The following PHF13 variants were observed in gnomAD, a reference collection of about 807,000 sequenced individuals.
PHF13 encodes the protein PHD zinc finger protein PHF5.
PHF13 carries 1 observed loss-of-function variant against 25.8 expected under a neutral mutation model. The ratio of observed to expected loss-of-function variants is 0.04; its 90% confidence interval spans 0.01 to 0.18. PHF13 has a LOEUF of 0.18. PHF13 is among the 10% of genes least tolerant of loss of function. PHF13 has a pLI of 1.00. For synonymous variants in PHF13, 195 were observed against 162.4 expected (o/e 1.20, Z -1.53); for missense variants, 306 against 403.2 (o/e 0.76, Z 2.06).
chr1:6,620,031 C>G lies in PHF13; in HGVS notation c.370C>G (p.Arg124Gly). The G allele has an allele frequency of 6.2e-7, 1 of 1,613,664 alleles. No homozygotes were observed. Among genetic ancestry groups the G allele is most frequent in the Non-Finnish European group, 8.5e-7 (1 of 1,179,986 alleles). ...DKLKKKKKRKRRDSDAPGKEG... is the reference protein window; with the variant it reads ...DKLKKKKKRKGRDSDAPGKEG... Reference sequence around the variant, plus strand: ...GCTGAAGAAGAAGAAGAAGAGGAAGCGCAGGGACAGTGATGCGCCTGGGAA... The same window carrying G: ...GCTGAAGAAGAAGAAGAAGAGGAAGGGCAGGGACAGTGATGCGCCTGGGAA... The change falls in exon 3 of 4, where the codon CGC becomes GGC. Residue 124 changes from arginine (R) to glycine (G), a missense_variant. This residue lies in a region of PHF13 where 186 missense variants were observed against 164.0 expected (regional missense o/e 1.13). Transcript: ENST00000377648.
rs1434719910 is a variant in PHF13 at position 6,621,985 on chromosome 1, T to A, written c.*348T>A. ...CCCGCTGATTGGGCTCAGTGCCAGC[T>A]GTTATTCTGCTTCCACTGTGTTGGG... On this transcript the variant is annotated 3_prime_UTR_variant, in exon 4 of 4. Transcript: ENST00000377648. The surrounding 1 kb of genome is among the most constrained non-coding windows in gnomAD (Gnocchi z 4.8). 1.9e-5 allele frequency: 7 copies of A among 375,166 alleles called. No individual in the cohort carries two copies. Among genetic ancestry groups the A allele is most frequent in the Non-Finnish European group, 3.6e-5 (7 of 195,676 alleles). 23.2% of individuals were successfully genotyped at this position (375,166 alleles called of 1,614,324 possible).
Position 6,621,666 on chromosome 1 carries a change from T to A in PHF13, c.*29T>A, listed in dbSNP as rs1411542415. The A allele has an allele frequency of 6.2e-7, 1 of 1,609,370 alleles. No individual in the cohort carries two copies. The highest frequency in any genetic ancestry group is 1.7e-5 in the Admixed American group (1 of 59,982). ...CTGGCTGGCGAGGAGGCTGCGAGCG[T>A]GGAATCGGAAGCGACCGCGGGCTTT... On this transcript the variant is annotated 3_prime_UTR_variant, in exon 4 of 4. Coordinates refer to ENST00000377648, the MANE Select transcript of PHF13 (RefSeq NM_153812.3). This position sits in a 1 kb window ranked among gnomAD's most constrained non-coding sequence, Gnocchi z 4.8.
chr1:6,621,390 TGA>T lies in PHF13; in HGVS notation c.677-17_677-16del. On this transcript the variant is annotated intron_variant, in intron 3 of 3. Transcript: ENST00000377648. The surrounding 1 kb of genome is among the most constrained non-coding windows in gnomAD (Gnocchi z 4.8). ...ATGATGGGAATTTCTCTTCCCTCCT[TGA>T]GAGTATCTTTCCTTCCAGATGACGA... 2 of 1,607,850 alleles carry T rather than the reference TGA, an allele frequency of 1.2e-6. No individual in the cohort carries two copies. The highest frequency in any genetic ancestry group is 1.7e-6 in the Non-Finnish European group (2 of 1,174,390).
chr1:6,621,744 C>G lies in PHF13; in HGVS notation c.*107C>G. 4 of 1,138,970 alleles carry G rather than the reference C, an allele frequency of 3.5e-6. No individual in the cohort carries two copies. The highest frequency in any genetic ancestry group is 5.1e-6 in the Non-Finnish European group (4 of 785,890). 70.6% of individuals were successfully genotyped at this position (1,138,970 alleles called of 1,614,324 possible). A position where few individuals can be genotyped will look rare whatever the true frequency, so the allele number is the denominator to read the frequency against. ...ACCCTCAGCTCTGGTGCGGGCAGAT[C>G]CCTGCCATTTAGGTGCCTAAGCAAA... On this transcript the variant is annotated 3_prime_UTR_variant, in exon 4 of 4. Transcript: ENST00000377648. This position sits in a 1 kb window ranked among gnomAD's most constrained non-coding sequence, Gnocchi z 4.8.
In PHF13 at chr1:6,614,026, C is replaced by T. The variant is rs1641211532; in HGVS notation, c.-41C>T. 5.8e-6 allele frequency: 9 copies of T among 1,547,770 alleles called. No homozygotes were observed. Among genetic ancestry groups the T allele is most frequent in the Middle Eastern group, 1.8e-4 (1 of 5,606 alleles). On this transcript the variant is annotated 5_prime_UTR_variant, in exon 1 of 4. Coordinates refer to ENST00000377648, the MANE Select transcript of PHF13 (RefSeq NM_153812.3). ...GGGCGGCCCCGCTCCAGCATCCCAGCTCCTGCACTCTCGCAGCCGCCGCCG... is the reference window on the plus strand; with the variant it reads ...GGGCGGCCCCGCTCCAGCATCCCAGTTCCTGCACTCTCGCAGCCGCCGCCG...
chr1:6,616,697 C>G, intron 1 of PHF13, 60 bp from the exon 2 acceptor site: 1 of 1,434,888 alleles, frequency 7.0e-7, no homozygotes, highest in Non-Finnish European at 9.8e-7. Flanking sequence ...CCTTTTGTTT[C>G]TGTGATTCCG....
intron 1 of PHF13, among the ~76,000 whole-genome samples, chr1:6,615,193 C>G (rs1051368016): frequency 5.2e-4 from 79 of 151,822 alleles, no homozygotes; most frequent in African/African-American, 1.8e-3. Context: ...CGCGCCGGTG[C>G]CTCCCGCGCG....
At chr1:6,620,554 T>G (rs1641323374) in intron 3 of PHF13, among the ~76,000 whole-genome samples, 1 of 152,170 alleles carries the variant, frequency 6.6e-6, no homozygotes, top group South Asian at 2.1e-4. Flanking sequence ...TTCTAAGACC[T>G]TAGAACATAA....
Position 6,620,333 on chromosome 1 carries a change from C to T in PHF13, c.672C>T (p.Asp224=), listed in dbSNP as rs746413601. ...STGNDEDIMV[D]SDDDSWDLVT... is the part of the protein sequence containing the mutation. ...GCAATGATGAGGACATCATGGTGGA[C>T]TCAGGTGAGTGGTCCCTGAAGGATG... Residue 224 remains aspartate, a synonymous_variant, in exon 3 of 4, where the codon GAC becomes GAT. Coordinates refer to ENST00000377648, the MANE Select transcript of PHF13 (RefSeq NM_153812.3). 6.2e-7 allele frequency: 1 copy of T among 1,610,352 alleles called. No individual in the cohort carries two copies. The highest frequency in any genetic ancestry group is 1.1e-5 in the South Asian group (1 of 90,676).
chr1:6,615,917 C>T (rs1268138971), intron 1 of PHF13, among the ~76,000 whole-genome samples: 1 of 151,972 alleles, frequency 6.6e-6, no homozygotes, highest in Non-Finnish European at 1.5e-5. Flanking sequence ...GTGGAGGGGA[C>T]CCTCTGAGCA....
Position 6,621,776 on chromosome 1 carries a change from G to A in PHF13, c.*139G>A, listed in dbSNP as rs75436289. On this transcript the variant is annotated 3_prime_UTR_variant, in exon 4 of 4. Coordinates refer to ENST00000377648, the MANE Select transcript of PHF13 (RefSeq NM_153812.3). The surrounding 1 kb of genome is among the most constrained non-coding windows in gnomAD (Gnocchi z 4.8). Reference sequence around the variant, plus strand: ...ATTTAGGTGCCTAAGCAAAAGGACAGGCTGTCCAAGGTAGAAACTGTACAT... The same window carrying A: ...ATTTAGGTGCCTAAGCAAAAGGACAAGCTGTCCAAGGTAGAAACTGTACAT... The A allele has an allele frequency of 2.8e-3, 2,281 of 820,896 alleles. 38 individuals carry two copies. In the African/African-American group the frequency reaches 0.034, roughly 12 times the overall value. The allele number at this position is 820,896 out of a possible 1,614,324, so 50.9% of individuals were successfully genotyped here. A position where few individuals can be genotyped will look rare whatever the true frequency, so the allele number is the denominator to read the frequency against.
chr1:6,621,021 C>G lies in PHF13; in HGVS notation c.677-390C>G, dbSNP rs1208233582. Among the ~76,000 whole-genome samples the G allele has an allele frequency of 2.9e-5, 4 of 137,056 alleles. No individual in the cohort carries two copies. In the South Asian group the frequency reaches 1.0e-3, roughly 36 times the overall value. 89.9% of individuals were successfully genotyped at this position (137,056 alleles called of 152,430 possible). Reference sequence around the variant, plus strand: ...CACTCCAGCCTGGGCGACAGCAAAACTCCGTCTCAAGAAAAAAAAAAAAAA... The same window carrying G: ...CACTCCAGCCTGGGCGACAGCAAAAGTCCGTCTCAAGAAAAAAAAAAAAAA... On this transcript the variant is annotated intron_variant, in intron 3 of 3. Coordinates refer to ENST00000377648, the MANE Select transcript of PHF13 (RefSeq NM_153812.3). The surrounding 1 kb of genome is among the most constrained non-coding windows in gnomAD (Gnocchi z 4.8).
chr1:6,620,823 G>A (rs1490647598), intron 3 of PHF13, among the ~76,000 whole-genome samples: 1 of 151,516 alleles, frequency 6.6e-6, no homozygotes, highest in Non-Finnish European at 1.5e-5. Flanking sequence ...TTCGAGACCA[G>A]CCTGACCAAC....
intron 1 of PHF13, among the ~76,000 whole-genome samples, chr1:6,615,159 G>A (rs985469188): frequency 1.3e-5 from 2 of 151,622 alleles, no homozygotes; most frequent in Non-Finnish European, 2.9e-5. Flanking sequence ...GGCCGTGTGG[G>A]GGCGGCGTGG....
rs759880000 is a variant in PHF13 at position 6,619,891 on chromosome 1, T to A, written c.230T>A (p.Ile77Asn). Residue 77 changes from isoleucine to asparagine, a missense_variant, in exon 3 of 4, where the codon ATC (isoleucine) becomes AAC (asparagine). This residue lies in a region of PHF13 where 186 missense variants were observed against 164.0 expected (regional missense o/e 1.13). Transcript: ENST00000377648. ...SDGWDAGFSDIASSVPLPVSD... is the reference protein window; with the variant it reads ...SDGWDAGFSDNASSVPLPVSD... ...GGCTGGGACGCGGGTTTCTCAGACA[T>A]CGCGTCCTCAGTGCCCTTGCCAGTC... The A allele has an allele frequency of 6.2e-7, 1 of 1,613,864 alleles. No homozygotes were observed. The highest frequency in any genetic ancestry group is 8.5e-7 in the Non-Finnish European group (1 of 1,180,014).
chr1:6,615,193 C>T (rs1051368016), intron 1 of PHF13, among the ~76,000 whole-genome samples: 1 of 151,822 alleles, frequency 6.6e-6, no homozygotes, highest in Non-Finnish European at 1.5e-5. Context: ...CGCGCCGGTG[C>T]CTCCCGCGCG....
At chr1:6,615,277 G>A (rs1426517075) in intron 1 of PHF13, among the ~76,000 whole-genome samples, 1 of 152,152 alleles carries the variant, frequency 6.6e-6, no homozygotes, top group East Asian at 1.9e-4. Context: ...GTTCCCCGCC[G>A]AAAGAAAAGT....
chr1:6,615,172 C>T (rs925966351), intron 1 of PHF13, among the ~76,000 whole-genome samples: 2 of 151,556 alleles, frequency 1.3e-5, no homozygotes, highest in African/African-American at 2.4e-5. Flanking sequence ...CGGCGTGGAA[C>T]CCCCAGTCCC....
At chr1:6,614,300 C>T (rs967887628) in intron 1 of PHF13, 195 bp downstream of exon 1, 75 of 537,632 alleles carry the variant, frequency 1.4e-4, no homozygotes, top group South Asian at 2.0e-4. Flanking sequence ...GGCCTCGCCT[C>T]CGCGTCCCCT....
Sources: gnomAD v4.1 joint callset for allele counts (sites outside exome capture counted in the v4.1 genomes callset) on GRCh38, gnomAD v4.1.1 for gene constraint, gnomAD v4.1.1 regional missense constraint, Gnocchi (gnomAD v3.1) non-coding constraint, MANE v1.5 for transcripts, NCBI Gene and HGNC (gene_info 2026-07-23, HGNC 2026-07-21) for gene names.